Variants in CCNL2 observed in about 807,000 individuals in gnomAD.
CCNL2 encodes cyclin L2.
In CCNL2, 28 loss-of-function variants were observed where a neutral mutation model predicts 59.1. The ratio of observed to expected loss-of-function variants is 0.47; its 90% confidence interval spans 0.35 to 0.65. CCNL2 has a LOEUF of 0.65. Among genes scored for constraint, CCNL2 ranks in the 30% least tolerant of loss-of-function variants. The pLI is 0.00. For missense variants in CCNL2, 714 were observed against 717.4 expected, an observed-to-expected ratio of 1.00 and a Z score of 0.05; for synonymous variants, 342 against 288.6, an observed-to-expected ratio of 1.19 and a Z score of -1.88.
chr1:1,398,803 T>C, intron 1 of CCNL2, 132 bp from the exon 2 acceptor site: 1 of 1,245,270 alleles, frequency 8.0e-7, no homozygotes, highest in Non-Finnish European at 1.1e-6. Context: ...ACAAAGGCTC[T>C]TCGCGTCCCG....
chr1:1,391,534 C>T, intron 5 of CCNL2: 1 of 1,304,796 alleles, frequency 7.7e-7, no homozygotes, highest in Non-Finnish European at 1.0e-6. Context: ...TCTTCTCGGG[C>T]TCATCAGAGC....
At chr1:1,396,702 C>A (rs1238985363) in intron 3 of CCNL2, among the ~76,000 whole-genome samples, 1 of 151,374 alleles carries the variant, frequency 6.6e-6, no homozygotes, top group East Asian at 1.9e-4. Context: ...GCCTCACCCT[C>A]CCGAATAGCT....
chr1:1,393,383 A>G lies in CCNL2; in HGVS notation c.659+13T>C. 6.2e-7 allele frequency: 1 copy of G among 1,612,614 alleles called. No individual in the cohort carries two copies. Among genetic ancestry groups the G allele is most frequent in the Non-Finnish European group, 8.5e-7 (1 of 1,178,618 alleles). ...CCCTTGCTGGTCTCATAAAACAAGG[A>G]AGCTCAACTCACCATGAGGTCTGGA... On this transcript the variant is annotated intron_variant, in intron 5 of 10. Coordinates refer to ENST00000400809, the MANE Select transcript of CCNL2 (RefSeq NM_030937.6).
At position 1,395,624 on chromosome 1, in the gene CCNL2, C is replaced by T. The variant is rs1394883241; in HGVS notation, c.474-110G>A. ...ACCTAACACAAACCCCACAACACAA[C>T]ATCGCTATGAAGTCCACATCCTCTG... On this transcript the variant is annotated intron_variant, in intron 3 of 10. Coordinates refer to ENST00000400809, the MANE Select transcript of CCNL2 (RefSeq NM_030937.6). 6 of 1,471,834 alleles carry T rather than the reference C, an allele frequency of 4.1e-6. No individual in the cohort carries two copies. The East Asian group carries it at 1.4e-4, about 33-fold the overall frequency. 91.2% of individuals were successfully genotyped at this position (1,471,834 alleles called of 1,614,324 possible).
rs1222843944 is a variant in CCNL2 at position 1,391,575 on chromosome 1, T to C, written c.660-710A>G. The stretch of plus-strand genomic sequence containing the variant: ...CCAACTGTCCCATTTCAACAAGGGG[T>C]CTTAAAATGAACATTCATAGAATCA... On this transcript the variant is annotated intron_variant, in intron 5 of 10. Coordinates refer to ENST00000400809, the MANE Select transcript of CCNL2 (RefSeq NM_030937.6). 6 of 1,304,474 alleles carry C rather than the reference T, an allele frequency of 4.6e-6. No individual in the cohort carries two copies. The East Asian group carries it at 2.8e-4, about 60-fold the overall frequency. The allele number at this position is 1,304,474 out of a possible 1,614,324, so 80.8% of individuals were successfully genotyped here. A position where few individuals can be genotyped will look rare whatever the true frequency, so the allele number is the denominator to read the frequency against.
intron 3 of CCNL2, among the ~76,000 whole-genome samples, chr1:1,397,040 C>A (rs1347358848): frequency 6.6e-6 from 1 of 152,156 alleles, no homozygotes; most frequent in Admixed American, 6.5e-5. Context: ...AGCCACTGCA[C>A]CTGGCCAATT....
intron 10 of CCNL2, 59 bp from the exon 11 acceptor site, chr1:1,387,641 C>T: frequency 7.1e-7 from 1 of 1,417,722 alleles, no homozygotes; most frequent in Admixed American, 2.3e-5. Context: ...AGGCCCCACA[C>T]ACCCACAGGA....
At chr1:1,395,563 G>C (rs1446052465) in intron 3 of CCNL2, 49 bp from the exon 4 acceptor site, 1 of 1,607,514 alleles carries the variant, frequency 6.2e-7, no homozygotes, top group Admixed American at 1.7e-5. Context: ...GCAGAGCAAG[G>C]CTTCTGAGAT....
chr1:1,392,611 G>A (rs1644818479), intron 5 of CCNL2: 2 of 1,449,284 alleles, frequency 1.4e-6, no homozygotes, highest in Non-Finnish European at 1.8e-6. Flanking sequence ...CACGACAGAG[G>A]ATTAACAAGA....
Position 1,387,136 on chromosome 1 carries a change from C to T in CCNL2, c.*95G>A, listed in dbSNP as rs545209899. 1 of 957,654 alleles carries T rather than the reference C, an allele frequency of 1.0e-6. No individual in the cohort carries two copies. Among genetic ancestry groups the T allele is most frequent in the Non-Finnish European group, 1.6e-6 (1 of 629,892 alleles). The allele number at this position is 957,654 out of a possible 1,614,324, so 59.3% of individuals were successfully genotyped here. A position where few individuals can be genotyped will look rare whatever the true frequency, so the allele number is the denominator to read the frequency against. On this transcript the variant is annotated 3_prime_UTR_variant, in exon 11 of 11. Transcript: ENST00000400809. ...TAGGACCACTTGCGCTGAGAGCACA[C>T]CCGGGGGTCAAAGGGCAGCCACCGG...
intron 3 of CCNL2, 79 bp from the exon 4 acceptor site, chr1:1,395,593 A>G (rs944635453): frequency 1.3e-5 from 21 of 1,581,946 alleles, no homozygotes; most frequent in Admixed American, 6.8e-5. Flanking sequence ...ACCTCCAACT[A>G]TGAGCACCTA....
At position 1,397,820 on chromosome 1, in the gene CCNL2, A is replaced by G. The variant is rs1206821257; in HGVS notation, c.473+413T>C. On this transcript the variant is annotated intron_variant, in intron 3 of 10. Coordinates refer to ENST00000400809, the MANE Select transcript of CCNL2 (RefSeq NM_030937.6). ...GTTGAGGCTGTAGTGAGCCATGATC[A>G]TACCACCGCACTCTGCCCTGGACAA... Among the ~76,000 whole-genome samples, 3 of 152,118 alleles carry G rather than the reference A, an allele frequency of 2.0e-5. No individual in the cohort carries two copies. The East Asian group carries it at 5.8e-4, about 29-fold the overall frequency.
intron 3 of CCNL2, among the ~76,000 whole-genome samples, chr1:1,396,708 T>C (rs1645050352): frequency 2.0e-5 from 3 of 147,428 alleles, no homozygotes; most frequent in Non-Finnish European, 3.0e-5. Flanking sequence ...CCCTCCCGAA[T>C]AGCTGGGATT....
At chr1:1,388,236 G>C (rs566563638) in intron 8 of CCNL2, 171 bp from the exon 9 acceptor site, 16 of 612,944 alleles carry the variant, frequency 2.6e-5, no homozygotes, top group East Asian at 1.9e-4. Context: ...CAGAAATGCA[G>C]ATGGGGCTGG....
chr1:1,393,543 A>G, intron 4 of CCNL2, 83 bp from the exon 5 acceptor site: 2 of 1,199,604 alleles, frequency 1.7e-6, no homozygotes, highest in Non-Finnish European at 2.5e-6. Flanking sequence ...TGCAGCAAAC[A>G]AGAGCCTCAA....
rs866238077 is a variant in CCNL2, at chr1:1,390,811, C to T, written c.714G>A (p.Glu238=). The stretch of plus-strand genomic sequence containing the variant: ...GATAAATGCAGGCACAGGCGATGCT[C>T]TCTGGCTGGAACCGCACGAAGACGT... ...RTDVFVRFQP[E]SIACACIYLA... is the part of the protein sequence containing the mutation. Residue 238 remains glutamate, a synonymous_variant, in exon 6 of 11, where the codon GAG becomes GAA. Transcript: ENST00000400809. 1.2e-6 allele frequency: 2 copies of T among 1,614,068 alleles called. No homozygotes were observed. Among genetic ancestry groups the T allele is most frequent in the Admixed American group, 1.7e-5 (1 of 59,996 alleles).
intron 8 of CCNL2, among the ~76,000 whole-genome samples, chr1:1,389,934 G>A (rs780058556): frequency 1.3e-5 from 2 of 152,082 alleles, no homozygotes; most frequent in Non-Finnish European, 1.5e-5. Context: ...ACTCCAGCCT[G>A]GGCTGGAGCA....
At chr1:1,395,361 G>A in intron 4 of CCNL2, 33 bp downstream of exon 4, 1 of 1,611,916 alleles carries the variant, frequency 6.2e-7, no homozygotes. Flanking sequence ...CAGCGGCCTA[G>A]GCGGGCTCGC....
At chr1:1,392,443 C>A (rs534848929) in intron 5 of CCNL2, 7 of 1,189,946 alleles carry the variant, frequency 5.9e-6, no homozygotes, top group Admixed American at 4.3e-5. Flanking sequence ...TAACCCCACA[C>A]TGACACAGCC....
Sources: allele counts gnomAD v4.1 joint callset (sites outside exome capture counted in the v4.1 genomes callset), GRCh38; gene constraint gnomAD v4.1.1; transcripts MANE v1.5; gene names NCBI Gene and HGNC (gene_info 2026-07-23, HGNC 2026-07-21).